Variants in DYRK1A observed in about 807,000 individuals in gnomAD.
The protein encoded by DYRK1A is dual specificity tyrosine-phosphorylation-regulated kinase 1A.
Under a neutral mutation model 79.7 loss-of-function variants are expected in DYRK1A, and 9 were observed. The ratio of observed to expected loss-of-function variants is 0.11; its 90% CI spans 0.07 to 0.20. The LOEUF (loss-of-function observed/expected upper bound fraction) is 0.20, where lower values mean the gene tolerates loss of function less well. Ranked by LOEUF, DYRK1A falls within the 10% of genes least tolerant of loss-of-function variation. The probability of loss-of-function intolerance (pLI) is 1.00; values close to 1 mark genes in which losing one functional copy is unlikely to be tolerated. For synonymous variants in DYRK1A, 349 were observed against 329.7 expected (o/e 1.06, Z -0.63); for missense variants, 622 against 956.0 (o/e 0.65, Z 4.61).
At chr21:37,510,639 A>G (rs1364625064) in intron 11 of DYRK1A, among the ~76,000 whole-genome samples, 1 of 152,142 alleles carries the variant, frequency 6.6e-6, no homozygotes, top group African/African-American at 2.4e-5. Context: ...AGTTTCCTTC[A>G]TTTTTGTGCA....
intron 2 of DYRK1A, chr21:37,430,493 C>T (rs866510390): frequency 1.6e-5 from 13 of 833,884 alleles, no homozygotes; most frequent in African/African-American, 5.5e-5. Flanking sequence ...CCATGCACCG[C>T]GCAAATACCT....
At chr21:37,407,906 C>T (rs1016817920) in intron 1 of DYRK1A, among the ~76,000 whole-genome samples, 23 of 152,114 alleles carry the variant, frequency 1.5e-4, no homozygotes, top group African/African-American at 4.1e-4. Context: ...CTGTGTCGAT[C>T]ACTCAAAACT....
At chr21:37,406,345 C>G (rs896789961) in intron 1 of DYRK1A, among the ~76,000 whole-genome samples, 4 of 152,126 alleles carry the variant, frequency 2.6e-5, no homozygotes, top group African/African-American at 9.7e-5. Context: ...AAAAATTTCC[C>G]TTTTCTTCAG....
intron 2 of DYRK1A, among the ~76,000 whole-genome samples, chr21:37,429,934 G>A (rs2050731525): frequency 6.6e-6 from 1 of 152,096 alleles, no homozygotes; most frequent in Admixed American, 6.5e-5. Context: ...TAGTATGTTT[G>A]TAGCTGTGTT....
At chr21:37,385,172 A>G (rs1265155665) in intron 1 of DYRK1A, among the ~76,000 whole-genome samples, 1 of 152,132 alleles carries the variant, frequency 6.6e-6, no homozygotes, top group Non-Finnish European at 1.5e-5. Flanking sequence ...ATGTAGCAGT[A>G]TGTTTATCTC....
intron 2 of DYRK1A, among the ~76,000 whole-genome samples, chr21:37,443,382 TC>T (rs1312303016): frequency 6.6e-6 from 1 of 152,186 alleles, no homozygotes; most frequent in African/African-American, 2.4e-5. Flanking sequence ...TTGATTGATT[TC>T]CCCCACCCGT....
At chr21:37,468,688 C>T (rs2052117464) in intron 2 of DYRK1A, among the ~76,000 whole-genome samples, 1 of 152,072 alleles carries the variant, frequency 6.6e-6, no homozygotes, top group South Asian at 2.1e-4. Context: ...AACTTGATTC[C>T]TATTTTACAC....
At chr21:37,472,054 T>C (rs2052244057) in intron 2 of DYRK1A, among the ~76,000 whole-genome samples, 1 of 152,230 alleles carries the variant, frequency 6.6e-6, no homozygotes, top group South Asian at 2.1e-4. Context: ...GGTTATTTTT[T>C]CTTTGTGGTG....
chr21:37,490,086 A>G, intron 6 of DYRK1A, 89 bp from the exon 7 acceptor site: 3 of 1,280,506 alleles, frequency 2.3e-6, no homozygotes, highest in Non-Finnish European at 3.2e-6. Context: ...TTGATGTAAT[A>G]ATGTTATAGA....
At chr21:37,395,258 C>T (rs993493843) in intron 1 of DYRK1A, among the ~76,000 whole-genome samples, 1 of 152,174 alleles carries the variant, frequency 6.6e-6, no homozygotes, top group African/African-American at 2.4e-5. Context: ...GCTAACTATA[C>T]CTAAGTATCT....
At chr21:37,411,049 TAAAAAAAAAAA>T (rs35292922) in intron 1 of DYRK1A, among the ~76,000 whole-genome samples, 6 of 56,410 alleles carry the variant, frequency 1.1e-4, no homozygotes, top group South Asian at 1.1e-3. Flanking sequence ...ATTCTGTCTT[TAAAAAAAAAAA>T]AAAAAAAAAA....
chr21:37,435,684 C>T (rs2050903451), intron 2 of DYRK1A, among the ~76,000 whole-genome samples: 1 of 152,072 alleles, frequency 6.6e-6, no homozygotes, highest in South Asian at 2.1e-4. Flanking sequence ...AAACAGTACC[C>T]TTGTAGTAAG....
chr21:37,509,552 T>G (rs986710254), intron 11 of DYRK1A, among the ~76,000 whole-genome samples: 8 of 152,254 alleles, frequency 5.3e-5, no homozygotes, highest in Admixed American at 3.9e-4. Flanking sequence ...GCTCAAGTGA[T>G]CCTCCCACCC....
chr21:37,506,843 G>A (rs2053612442), intron 11 of DYRK1A, among the ~76,000 whole-genome samples: 2 of 152,226 alleles, frequency 1.3e-5, no homozygotes, highest in Non-Finnish European at 1.5e-5. Context: ...TGAGAGGCCA[G>A]TGTAGTATTT....
At chr21:37,393,265 G>C (rs919317201) in intron 1 of DYRK1A, among the ~76,000 whole-genome samples, 5 of 152,206 alleles carry the variant, frequency 3.3e-5, no homozygotes, top group African/African-American at 1.2e-4. Context: ...GCAGGTAGCA[G>C]TACTCTCTGT....
At chr21:37,430,491 C>T (rs746491203) in intron 2 of DYRK1A, 208 of 840,794 alleles carry the variant, frequency 2.5e-4, no homozygotes, top group Non-Finnish European at 2.9e-4. Flanking sequence ...TTCCATGCAC[C>T]GCGCAAATAC....
chr21:37,493,989 G>T (rs1475449103), intron 8 of DYRK1A, among the ~76,000 whole-genome samples: 1 of 140,108 alleles, frequency 7.1e-6, no homozygotes, highest in Non-Finnish European at 1.5e-5. Flanking sequence ...CACTCAGGCT[G>T]GAGTATAGTG....
At chr21:37,436,819 A>G (rs551394931) in intron 2 of DYRK1A, among the ~76,000 whole-genome samples, 6 of 152,328 alleles carry the variant, frequency 3.9e-5, no homozygotes, top group African/African-American at 1.2e-4. Context: ...GCTTTATTCA[A>G]CCAGTCAGAG....
In DYRK1A at chr21:37,512,577, G is replaced by T. The variant is rs1433551578; in HGVS notation, c.*46G>T. 2 of 1,581,134 alleles carry T rather than the reference G, an allele frequency of 1.3e-6. No homozygotes were observed. Among genetic ancestry groups the T allele is most frequent in the African/African-American group, 2.7e-5 (2 of 73,764 alleles). ...GTTTCTTGTGTGTTTTTATAGAAGT[G>T]GTGTTTTTTTTCCAAAAACAAAGTG... On this transcript the variant is annotated 3_prime_UTR_variant, in exon 12 of 12. Coordinates refer to ENST00000647188, the MANE Select transcript of DYRK1A (RefSeq NM_001347721.2).
Sources: gnomAD v4.1 joint callset for allele counts (sites outside exome capture counted in the v4.1 genomes callset) on GRCh38, gnomAD v4.1.1 for gene constraint, MANE v1.5 for transcripts, NCBI Gene and HGNC (gene_info 2026-07-23, HGNC 2026-07-21) for gene names.